The following PRDM15 variants were observed in gnomAD, a reference collection of about 807,000 sequenced individuals.
The protein encoded by PRDM15 is PR domain zinc finger protein 15.
PRDM15 carries 64 observed loss-of-function variants against 128.6 expected under a neutral mutation model. The observed-to-expected ratio is 0.50, with a 90% CI of 0.41 to 0.61. PRDM15 has a LOEUF of 0.61. PRDM15 is among the 20% of genes least tolerant of loss of function. The pLI is 0.00. For synonymous variants in PRDM15, 615 were observed against 621.8 expected (o/e 0.99, Z 0.16); for missense variants, 1,242 against 1,569.1 (o/e 0.79, Z 3.52).
chr21:41,813,736 AC>A (rs2061940986), intron 19 of PRDM15: 1 of 152,592 alleles, frequency 6.6e-6, no homozygotes, highest in Non-Finnish European at 1.5e-5. Flanking sequence ...GTGTTTTATA[AC>A]AATGCTTTGT....
chr21:41,834,382 C>T (rs908155299), intron 11 of PRDM15: 18 of 849,404 alleles, frequency 2.1e-5, no homozygotes, highest in Admixed American at 1.0e-4. Context: ...CCTGGGAGTC[C>T]GCTGCTGCAG....
chr21:41,821,350 GC>G lies in PRDM15; in HGVS notation c.1897-121del. On this transcript the variant is annotated intron_variant, in intron 15 of 23. Coordinates refer to ENST00000398548, the MANE Select transcript of PRDM15 (RefSeq NM_001040424.3). The surrounding 1 kb of genome is among the most constrained non-coding windows in gnomAD (Gnocchi z 5.4). ...CACGCCCTGAGAGCCCATGACTCAT[GC>G]CAGGGTGGAAGGGACTCTCAGAGGC... The G allele has an allele frequency of 8.4e-7, 1 of 1,193,558 alleles. No homozygotes were observed. Among genetic ancestry groups the G allele is most frequent in the Non-Finnish European group, 1.2e-6 (1 of 844,602 alleles). 73.9% of individuals were successfully genotyped at this position (1,193,558 alleles called of 1,614,324 possible).
rs925539416 is a variant in PRDM15, at chr21:41,830,260, C to A, written c.1367-1927G>T. Among the ~76,000 whole-genome samples the A allele has an allele frequency of 8.3e-3, 1,247 of 149,632 alleles. 18 individuals are homozygous for A. Among genetic ancestry groups the A allele is most frequent in the African/African-American group, 0.029 (1,172 of 40,732 alleles). ...TCAANACACACCACACACACACCCC[C>A]CACACAAATACACACTCAACACACA... On this transcript the variant is annotated intron_variant, in intron 11 of 23. Coordinates refer to ENST00000398548, the MANE Select transcript of PRDM15 (RefSeq NM_001040424.3).
At position 41,847,328 on chromosome 21, in the gene PRDM15, C is replaced by T. The variant is rs894221375; in HGVS notation, c.539-137G>A. The T allele has an allele frequency of 9.9e-6, 6 of 608,252 alleles. 1 individual carries two copies. Among genetic ancestry groups the T allele is most frequent in the Non-Finnish European group, 1.7e-5 (6 of 346,708 alleles). The allele number at this position is 608,252 out of a possible 1,614,324, so 37.7% of individuals were successfully genotyped here. A position where few individuals can be genotyped will look rare whatever the true frequency, so the allele number is the denominator to read the frequency against. ...TGACGGCAGCAGACGGGCCTGTGGT[C>T]ACTCCACATGACAGACACCATTTTC... On this transcript the variant is annotated intron_variant, in intron 5 of 23. Transcript: ENST00000398548.
rs1351963371 is a variant in PRDM15, at chr21:41,801,242, A to G, written c.3424T>C (p.Ter1142ArgextTer36). ...CCCCGAGTCTCCCGGAACGCAGCTC[A>G]GTAGCTGTACATCTGCTGCTGCTGC... ...EQQQQQMYSY* is the reference protein window; with the variant it reads ...EQQQQQMYSYR Residue 1142 changes from the stop codon to arginine (R), a stop_lost, in exon 24 of 24, where the codon TGA becomes CGA. Transcript: ENST00000398548. 6.6e-7 allele frequency: 1 copy of G among 1,520,940 alleles called. No homozygotes were observed. The highest frequency in any genetic ancestry group is 8.8e-7 in the Non-Finnish European group (1 of 1,137,474). 94.2% of individuals were successfully genotyped at this position (1,520,940 alleles called of 1,614,324 possible).
At chr21:41,842,958 T>C (rs2063119139) in intron 6 of PRDM15, among the ~76,000 whole-genome samples, 1 of 152,070 alleles carries the variant, frequency 6.6e-6, no homozygotes. Context: ...CTAATTTTTG[T>C]ATTTTTAGTA....
intron 11 of PRDM15, among the ~76,000 whole-genome samples, chr21:41,831,665 C>T (rs1420877298): frequency 6.6e-6 from 1 of 152,226 alleles, no homozygotes; most frequent in African/African-American, 2.4e-5. Flanking sequence ...AGACAGGAGA[C>T]AGCAGTGGGG....
chr21:41,823,167 G>A, intron 14 of PRDM15, 151 bp downstream of exon 14: 1 of 1,004,178 alleles, frequency 1.0e-6, no homozygotes, highest in Non-Finnish European at 1.5e-6. Flanking sequence ...ATCTATGGGG[G>A]CTTTGGGGTC....
chr21:41,842,825 C>T (rs1459534188), intron 6 of PRDM15, among the ~76,000 whole-genome samples: 1 of 95,650 alleles, frequency 1.0e-5, no homozygotes, highest in Non-Finnish European at 2.3e-5. Context: ...CACTCTGTCG[C>T]CCAGGATGGA....
rs1473152837 is a variant in PRDM15 at position 41,859,620 on chromosome 21, T to C, written c.103A>G (p.Lys35Glu). ...GCCCTGCTTAACACAAAGGAGTCTT[T>C]GACCATGACCACTGGGCCCAGCTCG... Reference protein sequence around the residue: ...CPELGPVVMVKDSFVLSRARS... With the variant: ...CPELGPVVMVEDSFVLSRARS... The change falls in exon 3 of 24, where the codon AAA (lysine) becomes GAA (glutamate). Residue 35 changes from lysine (K) to glutamate (E), a missense_variant. Lys to Glu is a moderately conservative substitution (Grantham distance 56, BLOSUM62 1). Around this residue, in one of 3 missense-constraint regions of PRDM15, gnomAD observed 612 missense variants for 717.0 expected, o/e 0.85. Coordinates refer to ENST00000398548, the MANE Select transcript of PRDM15 (RefSeq NM_001040424.3). This position sits in a 1 kb window ranked among gnomAD's most constrained non-coding sequence, Gnocchi z 5.3. The C allele has an allele frequency of 6.2e-7, 1 of 1,613,986 alleles. No individual in the cohort carries two copies.
In PRDM15 at chr21:41,835,538, C is replaced by T. The variant is rs1297203086; in HGVS notation, c.1279-14G>A. On this transcript the variant is annotated splice_polypyrimidine_tract_variant and intron_variant, in intron 10 of 23. Transcript: ENST00000398548. ...CTCGCCGTCCACCTGGTCAGAGGGA[C>T]ACGCCGTGAGTGAGATGGCCCAGCG... 3 of 1,603,970 alleles carry T rather than the reference C, an allele frequency of 1.9e-6. No homozygotes were observed. Among genetic ancestry groups the T allele is most frequent in the Non-Finnish European group, 2.5e-6 (3 of 1,176,746 alleles).
chr21:41,801,399 C>T lies in PRDM15; in HGVS notation c.3267G>A (p.Thr1089=), dbSNP rs780581037. The T allele has an allele frequency of 8.1e-6, 13 of 1,613,418 alleles. No homozygotes were observed. The highest frequency in any genetic ancestry group is 5.3e-5 in the African/African-American group (4 of 74,874). ...GGTCACTAAGCTGGCTCCCCAGGGG[C>T]GTGATGGAGTTGACCAGGGTCGTCA... ...INLTTLVNSI[T]PLGSQLSDQH... Residue 1089 remains threonine, a synonymous_variant, in exon 24 of 24, where the codon ACG becomes ACA. Transcript: ENST00000398548.
chr21:41,820,197 G>A (rs900514059), intron 16 of PRDM15, 23 bp from the exon 17 acceptor site: 1 of 1,607,044 alleles, frequency 6.2e-7, no homozygotes, highest in Non-Finnish European at 8.5e-7. Flanking sequence ...ACAAGCTCAG[G>A]ATGGCCGCAC....
chr21:41,816,176 G>A (rs1409460528), intron 18 of PRDM15, among the ~76,000 whole-genome samples: 1 of 152,250 alleles, frequency 6.6e-6, no homozygotes, highest in Non-Finnish European at 1.5e-5. Context: ...ATTAATACAA[G>A]CATGACTAAA....
At chr21:41,847,939 CA>C (rs1442504149) in intron 5 of PRDM15, among the ~76,000 whole-genome samples, 3 of 152,190 alleles carry the variant, frequency 2.0e-5, no homozygotes, top group Non-Finnish European at 4.4e-5. Flanking sequence ...CACCTTTTAA[CA>C]AAAAAGTCAC....
Position 41,828,790 on chromosome 21 carries a change from C to T in PRDM15, c.1367-457G>A, listed in dbSNP as rs987505105. ...CCGACCAATGTGGCCGCCCCTGCCCCCAGGATCCCTGGTGTTGGCCCCTCC... is the reference window on the plus strand; with the variant it reads ...CCGACCAATGTGGCCGCCCCTGCCCTCAGGATCCCTGGTGTTGGCCCCTCC... On this transcript the variant is annotated intron_variant, in intron 11 of 23. Transcript: ENST00000398548. The surrounding 1 kb of genome is among the most constrained non-coding windows in gnomAD (Gnocchi z 5.7). 6.6e-6 allele frequency among the ~76,000 whole-genome samples: 1 copy of T among 152,188 alleles called. No individual in the cohort carries two copies. The highest frequency in any genetic ancestry group is 1.9e-4 in the East Asian group (1 of 5,188).
intron 22 of PRDM15, among the ~76,000 whole-genome samples, chr21:41,804,189 C>A (rs2061494751): frequency 6.6e-6 from 1 of 152,210 alleles, no homozygotes; most frequent in African/African-American, 2.4e-5. Context: ...GTCTTGAACT[C>A]CTGACCTCAA....
Position 41,801,716 on chromosome 21 carries a change from C to T in PRDM15, c.2950G>A (p.Val984Met). The change falls in exon 24 of 24, where the codon GTG becomes ATG. Residue 984 changes from valine to methionine, a missense_variant. Physicochemically the swap from Val to Met is conservative, Grantham distance 21. Around this residue, in one of 3 missense-constraint regions of PRDM15, gnomAD observed 602 missense variants for 788.3 expected, o/e 0.76. Transcript: ENST00000398548. ...GTCACATTTGGGTCACCCAGGGTCA[C>T]CACTACCTGGAAGATTCACACACAA... The part of the protein sequence containing the change: ...SAVQSIQQVV[V>M]TLGDPNVTTP... 1 of 1,610,788 alleles carries T rather than the reference C, an allele frequency of 6.2e-7. No individual in the cohort carries two copies. Among genetic ancestry groups the T allele is most frequent in the Non-Finnish European group, 8.5e-7 (1 of 1,177,306 alleles).
intron 11 of PRDM15, among the ~76,000 whole-genome samples, chr21:41,829,555 C>A (rs1242115289): frequency 6.3e-5 from 9 of 142,114 alleles, no homozygotes; most frequent in Admixed American, 6.1e-4. Context: ...TCAACATACA[C>A]CACATACACA....
Sources: gnomAD v4.1 joint callset for allele counts (sites outside exome capture counted in the v4.1 genomes callset) on GRCh38, gnomAD v4.1.1 for gene constraint, gnomAD v4.1.1 regional missense constraint, Gnocchi (gnomAD v3.1) non-coding constraint, MANE v1.5 for transcripts, NCBI Gene and HGNC (gene_info 2026-07-23, HGNC 2026-07-21) for gene names.